LAMB4: variants seen among roughly 807,000 people sequenced by gnomAD.
The protein encoded by LAMB4 is laminin subunit beta 4, also known as laminin subunit beta-4.
In LAMB4, 196 loss-of-function variants were observed where a neutral mutation model predicts 199.2. That is an observed-to-expected ratio of 0.98 (90% CI 0.88 to 1.11). The LOEUF is 1.11. LAMB4 is among the 50% of genes least tolerant of loss of function. The pLI, the probability that LAMB4 is intolerant of heterozygous loss-of-function variation, is 0.00. For synonymous variants in LAMB4, 744 were observed against 770.6 expected, an observed-to-expected ratio of 0.97 and a Z score of 0.57; for missense variants, 2,080 against 2,171.2, an observed-to-expected ratio of 0.96 and a Z score of 0.83.
chr7:108,016,046 T>A, the LAMB4 span, among the ~76,000 whole-genome samples: 19 of 152,216 alleles, frequency 1.2e-4, no homozygotes, highest in Admixed American at 1.0e-3. Context: ...TTTAAGAAAA[T>A]GATTCACTAT....
At chr7:108,029,245 AC>A (rs1489308141) in intron 32 of LAMB4, 49 bp from the exon 33 acceptor site, 1 of 1,513,472 alleles carries the variant, frequency 6.6e-7, no homozygotes, top group African/African-American at 1.4e-5. Flanking sequence ...TAAAGCATGT[AC>A]ATATATGCAT....
chr7:108,066,301 G>T (rs2036338234), intron 20 of LAMB4, 68 bp downstream of exon 20: 1 of 1,144,534 alleles, frequency 8.7e-7, no homozygotes, highest in Non-Finnish European at 1.3e-6. Context: ...CTACTCAATG[G>T]ATCTCTATTA....
At position 108,049,385 on chromosome 7, in the gene LAMB4, A is replaced by G. The variant is rs760429792; in HGVS notation, c.4063T>C (p.Leu1355=). The change falls in exon 27 of 34, where the codon TTG becomes CTG. Residue 1355 remains leucine, a synonymous_variant. Coordinates refer to ENST00000388781, the MANE Select transcript of LAMB4 (RefSeq NM_007356.3). ...ILDTLTSKGN[L]SLERLKQIKI... ...ATCTGCTTTAATCTTTCCAATGACA[A>G]GTTTCCTTTTGAGGTTAGTGTATCT... 1.3e-6 allele frequency: 2 copies of G among 1,592,292 alleles called. No homozygotes were observed. The highest frequency in any genetic ancestry group is 4.5e-5 in the East Asian group (2 of 44,592).
At chr7:108,095,390 A>G (rs1563087885) in intron 11 of LAMB4, 53 bp from the exon 12 acceptor site, 2 of 1,294,630 alleles carry the variant, frequency 1.5e-6, no homozygotes. Context: ...CCACTCTTGC[A>G]AGTGTACTTA....
At position 108,031,344 on chromosome 7, in the gene LAMB4, A is replaced by G. The variant is rs1406698968; in HGVS notation, c.4819-365T>C. Reference sequence around the variant, plus strand: ...TCTCAACAATAACAAAAAAAAAAAAAAAAGAAAAAAAAGAAAAAGGAAAAG... The same window carrying G: ...TCTCAACAATAACAAAAAAAAAAAAGAAAGAAAAAAAAGAAAAAGGAAAAG... On this transcript the variant is annotated intron_variant, in intron 31 of 33. Coordinates refer to ENST00000388781, the MANE Select transcript of LAMB4 (RefSeq NM_007356.3). Among the ~76,000 whole-genome samples, 33 of 115,586 alleles carry G rather than the reference A, an allele frequency of 2.9e-4. No individual in the cohort carries two copies. The East Asian group carries it at 4.4e-3, about 15-fold the overall frequency. 75.8% of individuals were successfully genotyped at this position (115,586 alleles called of 152,430 possible).
Position 108,103,071 on chromosome 7 carries a change from T to A in LAMB4, c.1153A>T (p.Thr385Ser). 1 of 1,608,052 alleles carries A rather than the reference T, an allele frequency of 6.2e-7. No homozygotes were observed. The highest frequency in any genetic ancestry group is 8.5e-7 in the Non-Finnish European group (1 of 1,175,516). Reference sequence around the variant, plus strand: ...ATGCACGCGTAGGGATCTGAGATGGTCTTGAGCGGGTCCCTGTAGAAGAGG... The same window carrying A: ...ATGCACGCGTAGGGATCTGAGATGGACTTGAGCGGGTCCCTGTAGAAGAGG... Reference protein sequence around the residue: ...RPLFYRDPLKTISDPYACIPC... With the variant: ...RPLFYRDPLKSISDPYACIPC... The change falls in exon 10 of 34, where the codon ACC (threonine) becomes TCC (serine). Residue 385 changes from threonine to serine, a missense_variant. Thr to Ser is a moderately conservative substitution (Grantham distance 58). Transcript: ENST00000388781.
the LAMB4 span, among the ~76,000 whole-genome samples, chr7:108,016,527 G>A: frequency 2.6e-5 from 4 of 152,204 alleles, no homozygotes; most frequent in African/African-American, 7.2e-5. Context: ...CAAGTGATCC[G>A]CCTGCTGCGG....
intron 17 of LAMB4, among the ~76,000 whole-genome samples, chr7:108,074,049 CAG>C (rs2036616908): frequency 6.6e-6 from 1 of 152,144 alleles, no homozygotes; most frequent in Non-Finnish European, 1.5e-5. Context: ...ATCCAGGCTC[CAG>C]AGCTCCAGGT....
chr7:108,077,855 A>T (rs538614900), intron 16 of LAMB4, among the ~76,000 whole-genome samples: 1 of 152,292 alleles, frequency 6.6e-6, no homozygotes, highest in Non-Finnish European at 1.5e-5. Context: ...TTTCAAAGCC[A>T]CCTGGGGACC....
At chr7:108,062,640 C>T in intron 23 of LAMB4, 134 bp downstream of exon 23, 1 of 470,944 alleles carries the variant, frequency 2.1e-6, no homozygotes, top group Non-Finnish European at 3.6e-6. Flanking sequence ...TGACTCCATC[C>T]CCTGTAAGGC....
At chr7:108,069,317 A>G (rs1242049752) in intron 18 of LAMB4, among the ~76,000 whole-genome samples, 1 of 152,230 alleles carries the variant, frequency 6.6e-6, no homozygotes, top group Non-Finnish European at 1.5e-5. Flanking sequence ...AAATTTCAGT[A>G]GTGCTGAGGG....
At chr7:108,052,792 G>A (rs1039664294) in intron 25 of LAMB4, among the ~76,000 whole-genome samples, 1 of 152,080 alleles carries the variant, frequency 6.6e-6, no homozygotes, top group African/African-American at 2.4e-5. Context: ...GTTCCCCTGG[G>A]TTTTTTTCCA....
chr7:108,109,606 A>T (rs1036839293), intron 4 of LAMB4, among the ~76,000 whole-genome samples: 3 of 152,262 alleles, frequency 2.0e-5, no homozygotes, highest in Admixed American at 2.0e-4. Flanking sequence ...AACATGAGCT[A>T]GCTAGCCAGA....
At chr7:108,064,536 C>A (rs528732943) in intron 21 of LAMB4, among the ~76,000 whole-genome samples, 88 of 152,308 alleles carry the variant, frequency 5.8e-4, no homozygotes, top group African/African-American at 2.1e-3. Context: ...ACACTCTTTA[C>A]CCTTGCAACC....
At chr7:108,053,058 G>A (rs893404260) in intron 25 of LAMB4, among the ~76,000 whole-genome samples, 20 of 152,034 alleles carry the variant, frequency 1.3e-4, no homozygotes, top group Admixed American at 1.2e-3. Context: ...GGCTCCAATT[G>A]TCACAACTGC....
intron 24 of LAMB4, 31 bp from the exon 25 acceptor site, chr7:108,056,038 G>A (rs572755448): frequency 2.6e-6 from 4 of 1,563,564 alleles, no homozygotes; most frequent in East Asian, 2.3e-5. Flanking sequence ...AGCAGAGAAT[G>A]TCACTGGGCC....
At chr7:108,064,119 C>T (rs996863055) in intron 21 of LAMB4, 134 bp from the exon 22 acceptor site, 86 of 657,898 alleles carry the variant, frequency 1.3e-4, no homozygotes, top group Non-Finnish European at 2.0e-4. Flanking sequence ...GGGTGAATAA[C>T]GAAAAGTGTT....
At chr7:108,048,842 G>A (rs7805768) in intron 27 of LAMB4, among the ~76,000 whole-genome samples, 22,379 of 152,072 alleles carry the variant, frequency 0.15, 4,902 homozygotes, top group African/African-American at 0.48. Flanking sequence ...ACAGGTGCAC[G>A]CCACTACCCC....
At chr7:108,020,089 T>C (rs2034659042), downstream of LAMB4, among the ~76,000 whole-genome samples, 1 of 152,162 alleles carries the variant, frequency 6.6e-6, no homozygotes, top group Non-Finnish European at 1.5e-5. Context: ...TATCCCCTAC[T>C]CTGGGATGTG....
Sources: gnomAD v4.1 joint callset for allele counts (sites outside exome capture counted in the v4.1 genomes callset) on GRCh38, gnomAD v4.1.1 for gene constraint, MANE v1.5 for transcripts, NCBI Gene and HGNC (gene_info 2026-07-23, HGNC 2026-07-21) for gene names.